BNC1: variants seen among roughly 807,000 people sequenced by gnomAD.
The protein encoded by BNC1 is basonuclin zinc finger protein 1.
Under a neutral mutation model 66.5 loss-of-function variants are expected in BNC1, and 8 were observed. That is an observed-to-expected ratio of 0.12 (90% CI 0.07 to 0.22). The LOEUF is 0.22. Ranked by LOEUF, BNC1 falls within the 10% of genes least tolerant of loss-of-function variation. The pLI, the probability that BNC1 is intolerant of heterozygous loss-of-function variation, is 1.00. For missense variants in BNC1, 1,069 were observed against 1,241.3 expected (o/e 0.86, Z 2.09); for synonymous variants, 454 against 452.6 (o/e 1.00, Z -0.04).
intron 1 of BNC1, among the ~76,000 whole-genome samples, chr15:83,272,926 C>T (rs1238511263): frequency 6.6e-6 from 1 of 152,172 alleles, no homozygotes; most frequent in African/African-American, 2.4e-5. Flanking sequence ...CAGTTACACC[C>T]TACCCTCCAG....
Position 83,279,199 on chromosome 15 carries a change from T to C in BNC1, c.99+5331A>G, listed in dbSNP as rs543191439. 6.6e-4 allele frequency among the ~76,000 whole-genome samples: 101 copies of C among 152,286 alleles called. 1 individual carries two copies. The highest frequency in any genetic ancestry group is 2.3e-3 in the African/African-American group (94 of 41,554). On this transcript the variant is annotated intron_variant, in intron 1 of 4. Coordinates refer to ENST00000345382, the MANE Select transcript of BNC1 (RefSeq NM_001717.4). The stretch of plus-strand genomic sequence containing the variant: ...ATTATAATATATATGAATGAAATTA[T>C]ATAATGCCTAGGATTTGCTTTAAAG...
At position 83,264,812 on chromosome 15, in the gene BNC1, C is replaced by T. The variant is rs750730637; in HGVS notation, c.439G>A (p.Ala147Thr). Residue 147 changes from alanine to threonine, a missense_variant, in exon 4 of 5, where the codon GCA becomes ACA. By Grantham distance (58) the Ala-to-Thr change is moderately conservative. Coordinates refer to ENST00000345382, the MANE Select transcript of BNC1 (RefSeq NM_001717.4). ...DYIRGYVLQD[A>T]SGKVLDHWSI... ...CAGTGATCCAACACCTTTCCTGATG[C>T]ATCCTAAACCCAAACCAGATGTTAG... 14 of 1,611,812 alleles carry T rather than the reference C, an allele frequency of 8.7e-6. No homozygotes were observed. In the Admixed American group the frequency reaches 1.0e-4, roughly 12 times the overall value.
chr15:83,263,552 T>C lies in BNC1; in HGVS notation c.1699A>G (p.Met567Val), dbSNP rs201929289. The C allele has an allele frequency of 1.2e-6, 2 of 1,614,234 alleles. No individual in the cohort carries two copies. Among genetic ancestry groups the C allele is most frequent in the East Asian group, 2.2e-5 (1 of 44,880 alleles). The part of the protein sequence containing the change: ...KRHNLSSDED[M>V]PLQVVSEDEQ... The stretch of plus-strand genomic sequence containing the variant: ...TCTTCACTGACCACCTGTAGGGGCA[T>C]GTCTTCATCTGAGCTGAGGTTGTGT... Residue 567 changes from methionine to valine, a missense_variant, in exon 4 of 5, where the codon ATG (methionine) becomes GTG (valine). Physicochemically the swap from Met to Val is conservative, Grantham distance 21. This residue lies in a region of BNC1 where 657 missense variants were observed against 715.8 expected (regional missense o/e 0.92). Coordinates refer to ENST00000345382, the MANE Select transcript of BNC1 (RefSeq NM_001717.4).
At chr15:83,271,129 A>G (rs1048853310) in intron 1 of BNC1, among the ~76,000 whole-genome samples, 6 of 152,164 alleles carry the variant, frequency 3.9e-5, no homozygotes, top group African/African-American at 1.4e-4. Context: ...TACAAAAATT[A>G]GCCAGGTGTG....
intron 1 of BNC1, among the ~76,000 whole-genome samples, chr15:83,281,322 T>C (rs1183258760): frequency 6.6e-6 from 1 of 152,204 alleles, no homozygotes; most frequent in East Asian, 1.9e-4. Flanking sequence ...ATCTTTAACA[T>C]CTCTCAGAGA....
At chr15:83,283,436 C>G in intron 1 of BNC1, 1 of 1,243,274 alleles carries the variant, frequency 8.0e-7, no homozygotes, top group Non-Finnish European at 1.0e-6. Context: ...CGCCGCCGCC[C>G]GGCTCCCAGC....
In BNC1 at chr15:83,263,261, G is replaced by A. The variant is rs754202916; in HGVS notation, c.1990C>T (p.Pro664Ser). 3 of 1,614,080 alleles carry A rather than the reference G, an allele frequency of 1.9e-6. No homozygotes were observed. The highest frequency in any genetic ancestry group is 2.2e-5 in the South Asian group (2 of 91,084). Residue 664 changes from proline (P) to serine (S), a missense_variant, in exon 4 of 5, where the codon CCC becomes TCC. Transcript: ENST00000345382. ...HEHYFTPGME[P>S]QVPFSDYMEL... ...ATGTAGTCAGAAAAAGGAACTTGGG[G>A]TTCCATCCCAGGTGTGAAGTAGTGT...
Position 83,263,136 on chromosome 15 carries a change from G to A in BNC1, c.2115C>T (p.His705=), listed in dbSNP as rs751082578. The change falls in exon 4 of 5, where the codon CAC becomes CAT. Residue 705 remains histidine, a synonymous_variant. Transcript: ENST00000345382. The stretch of plus-strand genomic sequence containing the variant: ...GCCTTGCTAATGCATGCTGACCCAC[G>A]TGCTCCAGTTCTTTAGAATCTTCAA... ...PCLEDSKELE[H]VGQHALARQI... is the part of the protein sequence containing the mutation. 3.5e-5 allele frequency: 56 copies of A among 1,614,018 alleles called. No homozygotes were observed. Among genetic ancestry groups the A allele is most frequent in the Middle Eastern group, 1.6e-4 (1 of 6,084 alleles).
At chr15:83,266,373 G>C (rs769147651) in intron 3 of BNC1, among the ~76,000 whole-genome samples, 4 of 152,160 alleles carry the variant, frequency 2.6e-5, no homozygotes, top group Non-Finnish European at 1.5e-5. Flanking sequence ...GCCTAAGAAG[G>C]AAGAACATCA....
intron 1 of BNC1, among the ~76,000 whole-genome samples, chr15:83,281,227 T>G (rs949060940): frequency 1.3e-5 from 2 of 152,162 alleles, no homozygotes; most frequent in African/African-American, 4.8e-5. Context: ...TGACAAGATA[T>G]GCAGAAATAA....
At chr15:83,282,614 C>T (rs902532913) in intron 1 of BNC1, among the ~76,000 whole-genome samples, 1 of 152,054 alleles carries the variant, frequency 6.6e-6, no homozygotes, top group Non-Finnish European at 1.5e-5. Flanking sequence ...CATCACTGAA[C>T]AAAAGTTTCA....
At chr15:83,262,755 A>G (rs746687866) in intron 4 of BNC1, among the ~76,000 whole-genome samples, 196 bp downstream of exon 4, 1 of 152,202 alleles carries the variant, frequency 6.6e-6, no homozygotes, top group Non-Finnish European at 1.5e-5. Flanking sequence ...TGTGACCCCC[A>G]GAATAGTAAC....
intron 1 of BNC1, among the ~76,000 whole-genome samples, chr15:83,270,122 G>A (rs543199216): frequency 6.6e-6 from 1 of 152,306 alleles, no homozygotes; most frequent in African/African-American, 2.4e-5. Flanking sequence ...GTTGGAGGGA[G>A]TGTGTTCTTG....
rs766342529 is a variant in BNC1, at chr15:83,264,088, G to A, written c.1163C>T (p.Thr388Ile). 7.4e-6 allele frequency: 12 copies of A among 1,614,054 alleles called. No homozygotes were observed. Among genetic ancestry groups the A allele is most frequent in the South Asian group, 1.1e-5 (1 of 91,078 alleles). Reference protein sequence around the residue: ...AVHLKIKHKCTIEGCNMVFSS... With the variant: ...AVHLKIKHKCIIEGCNMVFSS... ...GAACACCATGTTACACCCTTCGATG[G>A]TGCACTTATGCTTGATCTTCAAGTG... The change falls in exon 4 of 5, where the codon ACC becomes ATC. Residue 388 changes from threonine (T) to isoleucine (I), a missense_variant. Thr to Ile is a moderately conservative substitution (Grantham distance 89). Around this residue, in one of 7 missense-constraint regions of BNC1, gnomAD observed 82 missense variants for 136.3 expected, o/e 0.60. Transcript: ENST00000345382.
rs760326173 is a variant in BNC1, at chr15:83,264,084, G to A, written c.1167C>T (p.Ile389=). Residue 389 remains isoleucine (I), a synonymous_variant, in exon 4 of 5, where the codon ATC becomes ATT. Coordinates refer to ENST00000345382, the MANE Select transcript of BNC1 (RefSeq NM_001717.4). ...VHLKIKHKCT[I]EGCNMVFSSL... ...AGCTGAACACCATGTTACACCCTTC[G>A]ATGGTGCACTTATGCTTGATCTTCA... is the stretch of plus-strand genomic sequence containing the variant. 3.1e-5 allele frequency: 50 copies of A among 1,614,038 alleles called. No homozygotes were observed. Among genetic ancestry groups the A allele is most frequent in the East Asian group, 4.5e-5 (2 of 44,888 alleles).
At position 83,264,662 on chromosome 15, in the gene BNC1, G is replaced by A; in HGVS notation, c.589C>T (p.Pro197Ser). Residue 197 changes from proline to serine, a missense_variant, in exon 4 of 5, where the codon CCT becomes TCT. Transcript: ENST00000345382. ...CTGATATCTACATTTGCTGTGGAAG[G>A]TGGTATGATGATGGATTGCTCTTCT... is the stretch of plus-strand genomic sequence containing the variant. ...EKEEQSIIIP[P>S]STANVDIRAF... 2 of 1,614,186 alleles carry A rather than the reference G, an allele frequency of 1.2e-6. No individual in the cohort carries two copies. The highest frequency in any genetic ancestry group is 1.7e-6 in the Non-Finnish European group (2 of 1,180,036).
Position 83,284,523 on chromosome 15 carries a change from C to G in BNC1, c.99+7G>C. On this transcript the variant is annotated splice_region_variant and intron_variant, in intron 1 of 4. Coordinates refer to ENST00000345382, the MANE Select transcript of BNC1 (RefSeq NM_001717.4). ...ATCCCCGCGCCCGCGGAGGGCGCCG[C>G]GCTTACCTCGGCCATCCTGCGACCG... 1.7e-6 allele frequency: 2 copies of G among 1,195,592 alleles called. No individual in the cohort carries two copies. The highest frequency in any genetic ancestry group is 3.9e-5 in the South Asian group (2 of 51,838). 74.1% of individuals were successfully genotyped at this position (1,195,592 alleles called of 1,614,324 possible).
intron 2 of BNC1, among the ~76,000 whole-genome samples, chr15:83,267,641 C>G (rs2038230703): frequency 1.3e-5 from 2 of 152,170 alleles, no homozygotes. Context: ...TCAGTAGCCA[C>G]AAGTGACTAC....
rs2038296125 is a variant in BNC1 at position 83,274,180 on chromosome 15, T to G, written c.100-5948A>C. 4.6e-5 allele frequency among the ~76,000 whole-genome samples: 7 copies of G among 151,990 alleles called. No individual in the cohort carries two copies. In the South Asian group the frequency reaches 1.5e-3, roughly 32 times the overall value. On this transcript the variant is annotated intron_variant, in intron 1 of 4. Transcript: ENST00000345382. The stretch of plus-strand genomic sequence containing the variant: ...TGGGTGGACCACGAAGTCAGGAGAT[T>G]GAGACCATCCTGGCTAACACGGCAA...
Sources: gnomAD v4.1 joint callset for allele counts (sites outside exome capture counted in the v4.1 genomes callset) on GRCh38, gnomAD v4.1.1 for gene constraint, gnomAD v4.1.1 regional missense constraint, MANE v1.5 for transcripts, NCBI Gene and HGNC (gene_info 2026-07-23, HGNC 2026-07-21) for gene names.